The following MCPH1 variants were observed in gnomAD, a reference collection of about 807,000 sequenced individuals.
MCPH1 encodes microcephalin.
In MCPH1, 104 loss-of-function variants were observed where a neutral mutation model predicts 84.5. The ratio of observed to expected loss-of-function variants is 1.23; its 90% confidence interval spans 1.05 to 1.45. The LOEUF is 1.45. MCPH1 is among the 40% of genes most tolerant of loss of function. The pLI is 0.00. For synonymous variants in MCPH1, 514 were observed against 366.8 expected, an observed-to-expected ratio of 1.40 and a Z score of -4.58; for missense variants, 1,498 against 1,005.7, an observed-to-expected ratio of 1.49 and a Z score of -6.62.
intron 12 of MCPH1, among the ~76,000 whole-genome samples, chr8:6,552,098 C>G (rs953283042): frequency 3.7e-4 from 57 of 152,182 alleles, no homozygotes; most frequent in African/African-American, 1.3e-3. Flanking sequence ...AATGGTACCT[C>G]TAAGAAATTC....
chr8:6,586,897 G>C (rs118097945), intron 12 of MCPH1, among the ~76,000 whole-genome samples: 1 of 152,208 alleles, frequency 6.6e-6, no homozygotes, highest in African/African-American at 2.4e-5. Context: ...TCCTGACTTA[G>C]AATTCCCTGT....
intron 13 of MCPH1, among the ~76,000 whole-genome samples, chr8:6,633,213 T>TA (rs11313056): frequency 0.014 from 2,143 of 151,684 alleles, 26 homozygotes; most frequent in Non-Finnish European, 0.024. Flanking sequence ...GGGAATAAAA[T>TA]AAAAAAAAAT....
At chr8:6,555,100 C>A (rs1476410181) in intron 12 of MCPH1, among the ~76,000 whole-genome samples, 2 of 152,130 alleles carry the variant, frequency 1.3e-5, no homozygotes, top group African/African-American at 4.8e-5. Flanking sequence ...TTCTAAACCA[C>A]TACCCATGAT....
chr8:6,622,071 C>A (rs1831488811), intron 13 of MCPH1: 1 of 360,372 alleles, frequency 2.8e-6, no homozygotes, highest in African/African-American at 2.1e-5. Context: ...CTGGCAGCGC[C>A]CGGCACTGGG....
In MCPH1 at chr8:6,444,771, G is replaced by A. The variant is rs1448187430; in HGVS notation, c.1049G>A (p.Arg350Lys). 4 of 1,613,902 alleles carry A rather than the reference G, an allele frequency of 2.5e-6. No homozygotes were observed. The highest frequency in any genetic ancestry group is 3.4e-6 in the Non-Finnish European group (4 of 1,179,994). The change falls in exon 8 of 14, where the codon AGG (arginine) becomes AAG (lysine). Residue 350 changes from arginine (R) to lysine (K), a missense_variant. Physicochemically the swap from Arg to Lys is conservative, Grantham distance 26. Coordinates refer to ENST00000344683, the MANE Select transcript of MCPH1 (RefSeq NM_024596.5). Reference protein sequence around the residue: ...KGHLLIHSRPRSSSVKRKRVS... With the variant: ...KGHLLIHSRPKSSSVKRKRVS... ...CACCTTTTGATACATTCAAGACCCA[G>A]GAGTTCCTCAGTAAAGAGAAAAAGA...
rs192854008 is a variant in MCPH1, at chr8:6,628,431, C to T, written c.2452+6740C>T. Among the ~76,000 whole-genome samples, 1,090 of 135,388 alleles carry T rather than the reference C, an allele frequency of 8.1e-3. 14 individuals carry two copies. The highest frequency in any genetic ancestry group is 0.029 in the African/African-American group (1,051 of 35,702). 88.8% of individuals were successfully genotyped at this position (135,388 alleles called of 152,430 possible). A position where few individuals can be genotyped will look rare whatever the true frequency, so the allele number is the denominator to read the frequency against. ...CTTGCAGTGAGCCGAGATCACGCCA[C>T]TGCACTCCAGCCTGGGCAACAGAGT... On this transcript the variant is annotated intron_variant, in intron 13 of 13. Coordinates refer to ENST00000344683, the MANE Select transcript of MCPH1 (RefSeq NM_024596.5).
At chr8:6,466,943 G>A (rs1473862512) in intron 9 of MCPH1, among the ~76,000 whole-genome samples, 1 of 152,100 alleles carries the variant, frequency 6.6e-6, no homozygotes, top group Non-Finnish European at 1.5e-5. Context: ...AAAAGTTATT[G>A]CCTTCCAAAT....
intron 13 of MCPH1, chr8:6,624,898 G>T (rs116436583): frequency 1.1e-6 from 1 of 950,026 alleles, no homozygotes; most frequent in African/African-American, 1.8e-5. Context: ...TTTCTGAGAT[G>T]GAGTCTCGCT....
intron 8 of MCPH1, among the ~76,000 whole-genome samples, chr8:6,449,832 A>G (rs1247573568): frequency 1.2e-4 from 18 of 152,274 alleles, no homozygotes; most frequent in Non-Finnish European, 2.9e-5. Flanking sequence ...GACCCTTAGC[A>G]CTGCCAATCA....
intron 5 of MCPH1, 92 bp from the exon 6 acceptor site, chr8:6,438,861 G>C: frequency 8.7e-7 from 1 of 1,154,460 alleles, no homozygotes; most frequent in South Asian, 1.3e-5. Context: ...GAAGGAAAAC[G>C]GGGTGTGGGG....
At chr8:6,535,674 T>C (rs1356626153) in intron 12 of MCPH1, among the ~76,000 whole-genome samples, 1 of 152,206 alleles carries the variant, frequency 6.6e-6, no homozygotes, top group Non-Finnish European at 1.5e-5. Flanking sequence ...ACTGACTGCA[T>C]TGCTAATTAA....
At position 6,622,029 on chromosome 8, in the gene MCPH1, C is replaced by T. The variant is rs147096346; in HGVS notation, c.2452+338C>T. 1.5e-3 allele frequency: 619 copies of T among 399,516 alleles called. 8 individuals are homozygous for T. Among genetic ancestry groups the T allele is most frequent in the African/African-American group, 0.012 (586 of 48,164 alleles). 24.7% of individuals were successfully genotyped at this position (399,516 alleles called of 1,614,324 possible). A position where few individuals can be genotyped will look rare whatever the true frequency, so the allele number is the denominator to read the frequency against. ...GGGCACCCCTCTTAGACCCTCCCTC[C>T]CCAGTGCCTCCTTGTCCTGCTTCAG... is the stretch of plus-strand genomic sequence containing the variant. On this transcript the variant is annotated intron_variant, in intron 13 of 13. Transcript: ENST00000344683.
At chr8:6,598,479 T>A (rs1428401296) in intron 12 of MCPH1, among the ~76,000 whole-genome samples, 2 of 152,128 alleles carry the variant, frequency 1.3e-5, no homozygotes, top group African/African-American at 2.4e-5. Flanking sequence ...GTGAGGAATG[T>A]CGTTGTCCAG....
chr8:6,531,367 C>A (rs909853522), intron 12 of MCPH1, among the ~76,000 whole-genome samples: 4 of 151,782 alleles, frequency 2.6e-5, no homozygotes, highest in Non-Finnish European at 5.9e-5. Flanking sequence ...CAACTCACTG[C>A]AGCCTCTGCC....
intron 13 of MCPH1, among the ~76,000 whole-genome samples, chr8:6,640,095 T>TGTGTGTGC (rs1554491968): frequency 3.5e-4 from 49 of 138,560 alleles, no homozygotes; most frequent in Non-Finnish European, 6.0e-4. Context: ...TGTGTGTGTG[T>TGTGTGTGC]GTGCGCGCGC....
chr8:6,414,159 C>G (rs1385301015), intron 2 of MCPH1, among the ~76,000 whole-genome samples: 2 of 152,164 alleles, frequency 1.3e-5, no homozygotes, highest in African/African-American at 4.8e-5. Context: ...GCGTCCGCCA[C>G]CTTGCACCCG....
chr8:6,458,960 T>C (rs1805986008), intron 9 of MCPH1, among the ~76,000 whole-genome samples: 1 of 152,188 alleles, frequency 6.6e-6, no homozygotes, highest in Non-Finnish European at 1.5e-5. Flanking sequence ...AACATTAAAT[T>C]TTAAGTATAT....
chr8:6,583,760 C>T (rs1197659891), intron 12 of MCPH1, among the ~76,000 whole-genome samples: 1 of 150,648 alleles, frequency 6.6e-6, no homozygotes, highest in Non-Finnish European at 1.5e-5. Flanking sequence ...AAAGACGCCT[C>T]AGCTAACTGG....
chr8:6,627,024 T>TAAC, intron 13 of MCPH1: 2 of 985,122 alleles, frequency 2.0e-6, no homozygotes, highest in Non-Finnish European at 2.4e-6. Flanking sequence ...GATTTTCTTA[T>TAAC]AACTTATAAA....
Sources: gnomAD v4.1 joint callset for allele counts (sites outside exome capture counted in the v4.1 genomes callset) on GRCh38, gnomAD v4.1.1 for gene constraint, MANE v1.5 for transcripts, NCBI Gene and HGNC (gene_info 2026-07-23, HGNC 2026-07-21) for gene names.